Variants in NBPF12 observed in about 807,000 individuals in gnomAD.
The protein encoded by NBPF12 is NBPF family member NBPF12.
Under a neutral mutation model 146.4 loss-of-function variants are expected in NBPF12, and 115 were observed. The ratio of observed to expected loss-of-function variants is 0.79; its 90% CI spans 0.68 to 0.92. NBPF12 has a LOEUF of 0.92. Ranked by LOEUF, NBPF12 falls within the 40% of genes least tolerant of loss-of-function variation. The pLI, the probability that NBPF12 is intolerant of heterozygous loss-of-function variation, is 0.00. For synonymous variants in NBPF12, 385 were observed against 508.9 expected, an observed-to-expected ratio of 0.76 and a Z score of 3.28; for missense variants, 1,205 against 1,326.8, an observed-to-expected ratio of 0.91 and a Z score of 1.43.
At chr1:146,954,381 C>A (rs1394594402) in intron 2 of NBPF12, among the ~76,000 whole-genome samples, 3 of 61,906 alleles carry the variant, frequency 4.8e-5, no homozygotes, top group East Asian at 9.2e-4. Context: ...CAGAGCAAGA[C>A]TCTGTCTCAA....
At chr1:146,944,094 A>G (rs1654917161) in intron 2 of NBPF12, among the ~76,000 whole-genome samples, 1 of 117,934 alleles carries the variant, frequency 8.5e-6, no homozygotes, top group African/African-American at 3.4e-5. Flanking sequence ...GTTAAAAGAG[A>G]GACCACTTTT....
rs1322994542 is a variant in NBPF12 at position 146,951,313 on chromosome 1, G to A, written c.-325-35G>A. 9,722 of 687,146 alleles carry A rather than the reference G, an allele frequency of 0.014. 706 individuals carry two copies. In the African/African-American group the frequency reaches 0.15, roughly 10 times the overall value. 42.6% of individuals were successfully genotyped at this position (687,146 alleles called of 1,614,324 possible). On this transcript the variant is annotated intron_variant, in intron 1 of 33. Coordinates refer to ENST00000617844, the Ensembl canonical transcript of NBPF12. ...CTCATTGGTAAAACCTTTTCCTCTG[G>A]GGAGGTAAATAAATTATTTGTTTCT...
chr1:146,954,115 G>A (rs1655446388), intron 2 of NBPF12, among the ~76,000 whole-genome samples: 1 of 149,068 alleles, frequency 6.7e-6, no homozygotes, highest in Non-Finnish European at 1.5e-5. Flanking sequence ...CAACAGACTG[G>A]GCACCATGGC....
intron 4 of NBPF12, among the ~76,000 whole-genome samples, 166 bp from the exon 8 acceptor site, chr1:146,961,995 C>T (rs1158380863): frequency 2.6e-5 from 4 of 151,980 alleles, no homozygotes; most frequent in Non-Finnish European, 5.9e-5. Context: ...GATCAGATGC[C>T]AGAAAGTCAG....
intron 12 of NBPF12, 106 bp from the exon 16 acceptor site, chr1:146,971,077 T>C: frequency 6.3e-7 from 1 of 1,580,664 alleles, no homozygotes; most frequent in South Asian, 1.1e-5. Flanking sequence ...TTTTGCTTTC[T>C]GGGACCACTC....
chr1:146,969,700 A>C, intron 11 of NBPF12, 104 bp downstream of exon 14: 1 of 1,562,874 alleles, frequency 6.4e-7, no homozygotes, highest in East Asian at 2.3e-5. Flanking sequence ...GTTTTTTTCT[A>C]CTACACATGT....
In NBPF12 at chr1:146,971,190, C is replaced by T. The variant is rs1197174174; in HGVS notation, c.1387C>T (p.Gln463Ter). The T allele has an allele frequency of 3.5e-5, 57 of 1,611,272 alleles. No homozygotes were observed. Among genetic ancestry groups the T allele is most frequent in the Non-Finnish European group, 4.7e-5 (56 of 1,179,746 alleles). Residue 463 changes from glutamine (Q) to a stop codon, truncating the protein, a stop_gained, in exon 13 of 34, where the codon CAG (glutamine) becomes TAG (stop). Transcript: ENST00000617844. LOFTEE classifies it high-confidence loss of function. ...TCCCACCTGGCTCATCAGGGAGATG[C>T]AGAAGGCTGAAGAAAGCAAAGTCCC...
intron 11 of NBPF12, 31 bp downstream of exon 14, chr1:146,969,627 A>G (rs1559522548): frequency 1.2e-6 from 2 of 1,604,240 alleles, no homozygotes; most frequent in Non-Finnish European, 1.7e-6. Context: ...GATGACCCAA[A>G]ACCCCAGGCT....
At chr1:146,992,512 G>C (rs1368744736) in intron 31 of NBPF12, among the ~76,000 whole-genome samples, 200 bp from the exon 35 acceptor site, 8 of 114,684 alleles carry the variant, frequency 7.0e-5, no homozygotes, top group Non-Finnish European at 1.2e-4. Flanking sequence ...GTGTGTGTGT[G>C]TCTATCTGTC....
At position 146,942,219 on chromosome 1, in the gene NBPF12, G is replaced by A. The variant is rs1227896996; in HGVS notation, c.-821-1072G>A. ...GCCCAGACTAGTTTCAAACACTTGG[G>A]CTCAGTTGATTGTCACACCTTGGCA... On this transcript the variant is annotated intron_variant, in intron 1 of 35. Coordinates refer to the NBPF12 transcript ENST00000617931. Among the ~76,000 whole-genome samples, 8 of 151,670 alleles carry A rather than the reference G, an allele frequency of 5.3e-5. No homozygotes were observed. The East Asian group carries it at 1.4e-3, about 26-fold the overall frequency.
At chr1:146,940,083 G>A (rs1241084688) in intron 1 of NBPF12, among the ~76,000 whole-genome samples, 6 of 151,996 alleles carry the variant, frequency 3.9e-5, no homozygotes, top group Admixed American at 3.3e-4. Context: ...ACTGCTTCAC[G>A]AAGTTAAGGA....
intron 31 of NBPF12, among the ~76,000 whole-genome samples, 196 bp from the exon 35 acceptor site, chr1:146,992,506 GTGTGTGTCTA>G (rs1658260073): frequency 8.3e-6 from 1 of 120,944 alleles, no homozygotes; most frequent in East Asian, 3.0e-4. Flanking sequence ...GTGTGTGTGT[GTGTGTGTCTA>G]TCTGTCTTTC....
At chr1:146,963,164 G>T in exon 6 of NBPF12, 1 of 1,607,446 alleles carries the variant, frequency 6.2e-7, no homozygotes. Flanking sequence ...TACGGGAAGG[G>T]AGAGATGCCT....
chr1:146,940,961 T>TTGTA (rs1189926968), intron 1 of NBPF12, among the ~76,000 whole-genome samples: 50 of 152,266 alleles, frequency 3.3e-4, no homozygotes, highest in Middle Eastern at 3.4e-3. Flanking sequence ...TTCTGTTGAT[T>TTGTA]TGTAATACTT....
At chr1:146,949,751 G>C (rs1191358538) in intron 1 of NBPF12, among the ~76,000 whole-genome samples, 1 of 150,918 alleles carries the variant, frequency 6.6e-6, no homozygotes, top group African/African-American at 2.5e-5. Flanking sequence ...TCTTGTTTGT[G>C]GGGGACTGAG....
chr1:146,984,424 G>T (rs1412969011), intron 21 of NBPF12, among the ~76,000 whole-genome samples: 2 of 148,440 alleles, frequency 1.3e-5, no homozygotes, highest in Admixed American at 6.8e-5. Context: ...TATTCTCATG[G>T]TGACTGCAGG....
chr1:146,963,460 C>T (rs1655993779), intron 6 of NBPF12, among the ~76,000 whole-genome samples, 151 bp downstream of exon 9: 1 of 152,006 alleles, frequency 6.6e-6, no homozygotes. Context: ...TGGGTAAGAA[C>T]AGAAATGGGA....
chr1:146,961,171 A>C (rs1386041241), intron 4 of NBPF12, among the ~76,000 whole-genome samples: 1 of 151,994 alleles, frequency 6.6e-6, no homozygotes, highest in African/African-American at 2.4e-5. Context: ...AGGATAAATA[A>C]ATCAAAAATA....
intron 1 of NBPF12, among the ~76,000 whole-genome samples, chr1:146,940,058 G>A (rs1383334177): frequency 4.6e-5 from 7 of 151,836 alleles, no homozygotes; most frequent in African/African-American, 1.5e-4. Flanking sequence ...TTTCTTTGCC[G>A]AAAGAATGAA....
Sources: allele counts gnomAD v4.1 joint callset (sites outside exome capture counted in the v4.1 genomes callset), GRCh38; gene constraint gnomAD v4.1.1; transcripts MANE v1.5; gene names NCBI Gene and HGNC (gene_info 2026-07-23, HGNC 2026-07-21).